Variants in CSNK1G3 observed in about 807,000 individuals in gnomAD.
The protein encoded by CSNK1G3 is casein kinase I isoform gamma-3.
A neutral mutation model predicts 64.3 loss-of-function variants in CSNK1G3; 23 were observed. That is an observed-to-expected ratio of 0.36 (90% CI 0.26 to 0.51). The LOEUF (loss-of-function observed/expected upper bound fraction) is 0.51. Ranked by LOEUF, CSNK1G3 falls within the 20% of genes least tolerant of loss-of-function variation. CSNK1G3 has a pLI of 0.96. For missense variants in CSNK1G3, 357 were observed against 510.5 expected, an observed-to-expected ratio of 0.70 and a Z score of 2.90; for synonymous variants, 158 against 162.2, an observed-to-expected ratio of 0.97 and a Z score of 0.20.
chr5:123,595,110 A>C, intron 10 of CSNK1G3: 1 of 1,613,676 alleles, frequency 6.2e-7, no homozygotes, highest in Non-Finnish European at 8.5e-7. Context: ...ACCTTGCAGC[A>C]GACAGACATG....
intron 10 of CSNK1G3, among the ~76,000 whole-genome samples, chr5:123,598,287 A>G (rs1793809696): frequency 6.6e-6 from 1 of 152,180 alleles, no homozygotes; most frequent in South Asian, 2.1e-4. Context: ...GCCATTCATT[A>G]CTCAGCAAAT....
intron 12 of CSNK1G3, among the ~76,000 whole-genome samples, chr5:123,607,554 A>G (rs961164579): frequency 3.9e-5 from 6 of 152,192 alleles, no homozygotes; most frequent in Non-Finnish European, 7.3e-5. Context: ...ATAGGCAAAT[A>G]CATAGACATC....
intron 10 of CSNK1G3, among the ~76,000 whole-genome samples, chr5:123,596,338 A>G (rs1389411000): frequency 6.6e-6 from 1 of 152,132 alleles, no homozygotes; most frequent in Non-Finnish European, 1.5e-5. Context: ...ATATAGTTAG[A>G]AAAGCTAATT....
rs557887541 is a variant in CSNK1G3 at position 123,594,783 on chromosome 5, G to A, written c.1086+3369G>A. 2.4e-4 allele frequency among the ~76,000 whole-genome samples: 37 copies of A among 152,144 alleles called. 2 individuals are homozygous for A. The highest frequency in any genetic ancestry group is 7.7e-4 in the African/African-American group (32 of 41,530). Reference sequence around the variant, plus strand: ...TTTATAAAGCTAGAGGGTAGAGTCTGTGATTTCTAAAGTATTTTTACTTCT... The same window carrying A: ...TTTATAAAGCTAGAGGGTAGAGTCTATGATTTCTAAAGTATTTTTACTTCT... On this transcript the variant is annotated intron_variant, in intron 10 of 12. Coordinates refer to ENST00000345990, the Ensembl canonical transcript of CSNK1G3.
intron 1 of CSNK1G3, among the ~76,000 whole-genome samples, chr5:123,520,298 G>T (rs1444821578): frequency 6.6e-6 from 1 of 152,006 alleles, no homozygotes; most frequent in East Asian, 1.9e-4. Context: ...ATATGTATGG[G>T]TTGTAAGTAT....
chr5:123,515,381 T>C (rs1292128296), intron 1 of CSNK1G3, among the ~76,000 whole-genome samples: 1 of 152,222 alleles, frequency 6.6e-6, no homozygotes, highest in Non-Finnish European at 1.5e-5. Flanking sequence ...TATAGGTCAT[T>C]GAATAGTTAT....
At chr5:123,556,481 C>A (rs1462542201) in intron 3 of CSNK1G3, among the ~76,000 whole-genome samples, 1 of 144,870 alleles carries the variant, frequency 6.9e-6, no homozygotes, top group Non-Finnish European at 1.5e-5. Flanking sequence ...TCCAGTTTTT[C>A]TTCCTTCATG....
intron 3 of CSNK1G3, among the ~76,000 whole-genome samples, chr5:123,553,391 T>G (rs1158058672): frequency 6.6e-6 from 1 of 152,180 alleles, no homozygotes; most frequent in East Asian, 1.9e-4. Context: ...TTTGGCAGCA[T>G]TGTAGAACTG....
Position 123,614,379 on chromosome 5 carries a change from A to G in CSNK1G3, c.1255A>G (p.Ile419Val), listed in dbSNP as rs746530016. 11 of 1,613,220 alleles carry G rather than the reference A, an allele frequency of 6.8e-6. No individual in the cohort carries two copies. The highest frequency in any genetic ancestry group is 2.7e-5 in the African/African-American group (2 of 74,834). Residue 419 changes from isoleucine (I) to valine (V), a missense_variant, in exon 13 of 13, where the codon ATA becomes GTA. Ile to Val is a conservative substitution (Grantham distance 29). Coordinates refer to ENST00000345990, the Ensembl canonical transcript of CSNK1G3. The stretch of plus-strand genomic sequence containing the variant: ...TTTCAAACGAAGGAAAAGGAAAACC[A>G]TACAGCGCCACAAATGACTCTGGAC...
At chr5:123,575,602 T>C (rs1789009482) in intron 5 of CSNK1G3, 127 bp from the exon 6 acceptor site, 4 of 634,620 alleles carry the variant, frequency 6.3e-6, no homozygotes, top group Admixed American at 2.9e-5. Flanking sequence ...CATTTTACTT[T>C]TAAAGGGTTG....
At chr5:123,518,966 G>C (rs1434831126) in intron 1 of CSNK1G3, among the ~76,000 whole-genome samples, 1 of 152,208 alleles carries the variant, frequency 6.6e-6, no homozygotes, top group African/African-American at 2.4e-5. Context: ...CTCCATGCTG[G>C]CCAGGCTGGT....
At chr5:123,597,236 C>G (rs1160612138) in intron 10 of CSNK1G3, among the ~76,000 whole-genome samples, 1 of 152,080 alleles carries the variant, frequency 6.6e-6, no homozygotes, top group African/African-American at 2.4e-5. Context: ...ATTAAATCAC[C>G]TGTTGAACAA....
chr5:123,557,866 T>C (rs10519732), intron 4 of CSNK1G3, among the ~76,000 whole-genome samples: 14,737 of 152,190 alleles, frequency 0.097, 757 homozygotes, highest in South Asian at 0.12. Context: ...TGAAGTGACT[T>C]ACAATATAGT....
At chr5:123,616,820 C>T (rs1749530758) in exon 13 of CSNK1G3, 1 of 152,152 alleles carries the variant, frequency 6.6e-6, no homozygotes, top group Non-Finnish European at 1.5e-5. Context: ...ATGTCACTCC[C>T]TAATTTAAGA....
rs1036240412 is a variant in CSNK1G3, at chr5:123,583,611, G to A, written c.674-4457G>A. ...ACTCCCAACCTCAGGTGATCAGCCC[G>A]CCTCAGCCTCCCAAAGTGCTGGGAT... On this transcript the variant is annotated intron_variant, in intron 6 of 12. Transcript: ENST00000345990. 4.1e-5 allele frequency among the ~76,000 whole-genome samples: 6 copies of A among 146,870 alleles called. 1 individual carries two copies. The highest frequency in any genetic ancestry group is 6.8e-3 in the Middle Eastern group (2 of 294).
chr5:123,521,703 G>C (rs1778140524), intron 1 of CSNK1G3, among the ~76,000 whole-genome samples: 2 of 152,108 alleles, frequency 1.3e-5, no homozygotes, highest in South Asian at 2.1e-4. Context: ...AATGAAAGAA[G>C]AAAAATGGAC....
In CSNK1G3 at chr5:123,609,668, AAGATACT is replaced by A. The variant is rs1309692395; in HGVS notation, c.1217+4307_1217+4313del. On this transcript the variant is annotated intron_variant, in intron 12 of 12. Coordinates refer to ENST00000345990, the Ensembl canonical transcript of CSNK1G3. ...TTAAGTGGAAAGAAGAGCATGTGCA[AAGATACT>A]GAGGTAAGAAATCCCACGTGGTGTG... Among the ~76,000 whole-genome samples the A allele has an allele frequency of 2.1e-3, 319 of 152,330 alleles. 1 individual carries two copies. The highest frequency in any genetic ancestry group is 7.3e-3 in the African/African-American group (305 of 41,576).
intron 6 of CSNK1G3, among the ~76,000 whole-genome samples, chr5:123,580,693 AC>A (rs1420602717): frequency 6.6e-6 from 1 of 151,414 alleles, no homozygotes; most frequent in Non-Finnish European, 1.5e-5. Context: ...GCTGCCCTGA[AC>A]CTCATAATCT....
chr5:123,565,014 CAG>C (rs1225180106), intron 4 of CSNK1G3, among the ~76,000 whole-genome samples: 3 of 151,762 alleles, frequency 2.0e-5, no homozygotes, highest in South Asian at 2.1e-4. Flanking sequence ...GAAATTAACA[CAG>C]AAATATAAAA....
Sources: gnomAD v4.1 joint callset for allele counts (sites outside exome capture counted in the v4.1 genomes callset) on GRCh38, gnomAD v4.1.1 for gene constraint, MANE v1.5 for transcripts, NCBI Gene and HGNC (gene_info 2026-07-23, HGNC 2026-07-21) for gene names.